Variants in PRKCB observed in about 807,000 individuals in gnomAD.
PRKCB encodes the protein protein kinase C beta type.
In PRKCB, 13 loss-of-function variants were observed where a neutral mutation model predicts 81.5. The observed-to-expected ratio is 0.16, with a 90% CI of 0.10 to 0.25. The LOEUF (loss-of-function observed/expected upper bound fraction) is 0.25, where lower values mean the gene tolerates loss of function less well. PRKCB is among the 10% of genes least tolerant of loss of function. PRKCB has a pLI of 1.00. For synonymous variants in PRKCB, 335 were observed against 321.4 expected (o/e 1.04, Z -0.45); for missense variants, 509 against 875.7 (o/e 0.58, Z 5.29).
chr16:24,146,447 A>G (rs1966991311), intron 9 of PRKCB, among the ~76,000 whole-genome samples: 1 of 152,218 alleles, frequency 6.6e-6, no homozygotes, highest in Non-Finnish European at 1.5e-5. Context: ...TCCATTTTAT[A>G]AGATGAGGAG....
intron 5 of PRKCB, among the ~76,000 whole-genome samples, chr16:24,072,027 C>A (rs534555725): frequency 6.7e-6 from 1 of 150,318 alleles, no homozygotes; most frequent in South Asian, 2.1e-4. Context: ...TAGAGTTTAA[C>A]CCCCACCCCA....
intron 16 of PRKCB, among the ~76,000 whole-genome samples, chr16:24,193,486 A>C (rs1967830526): frequency 6.7e-6 from 1 of 149,900 alleles, no homozygotes; most frequent in Non-Finnish European, 1.5e-5. Context: ...TAAATAAATA[A>C]ATAAATAAAT....
chr16:24,169,225 T>C (rs998198585), intron 10 of PRKCB, among the ~76,000 whole-genome samples: 10 of 152,142 alleles, frequency 6.6e-5, no homozygotes, highest in African/African-American at 2.2e-4. Flanking sequence ...ACCCAGTAAC[T>C]CCTGCTGCCT....
intron 3 of PRKCB, among the ~76,000 whole-genome samples, chr16:24,029,503 C>T (rs12447105): frequency 0.097 from 14,824 of 152,142 alleles, 945 homozygotes; most frequent in African/African-American, 0.17. Flanking sequence ...GAGGCCTCCT[C>T]GTCCTCAAGA....
At chr16:24,193,469 AAAT>A (rs1439895880) in intron 16 of PRKCB, among the ~76,000 whole-genome samples, 17 of 49,412 alleles carry the variant, frequency 3.4e-4, no homozygotes, top group African/African-American at 6.1e-4. Flanking sequence ...ATAAATAAAT[AAAT>A]AAATAAATAA....
At chr16:23,980,166 T>C (rs546625325) in intron 2 of PRKCB, among the ~76,000 whole-genome samples, 12 of 152,378 alleles carry the variant, frequency 7.9e-5, no homozygotes, top group Non-Finnish European at 1.3e-4. Flanking sequence ...ATGAAAGCCC[T>C]TTGCAAACTC....
chr16:24,174,630 C>G (rs900970774), intron 12 of PRKCB, 50 bp downstream of exon 12: 1 of 1,465,048 alleles, frequency 6.8e-7, no homozygotes, highest in African/African-American at 1.4e-5. Context: ...CTCAGCTCCT[C>G]CCTGCCCTGC....
chr16:23,899,808 AATTTATTT>A (rs200198656), intron 2 of PRKCB, among the ~76,000 whole-genome samples: 7,894 of 38,256 alleles, frequency 0.21, 2,392 homozygotes, highest in Non-Finnish European at 0.25. Flanking sequence ...CAGCAAATAA[AATTTATTT>A]ATTTATTTAT....
chr16:24,186,339 T>C (rs1967704104), intron 15 of PRKCB, among the ~76,000 whole-genome samples: 1 of 152,198 alleles, frequency 6.6e-6, no homozygotes, highest in Non-Finnish European at 1.5e-5. Flanking sequence ...AGAGATTAAG[T>C]CTGGGTATGA....
rs1963438403 is a variant in PRKCB, at chr16:23,899,664, G to GTC, written c.205+62259_205+62260insCT. 2.3e-4 allele frequency among the ~76,000 whole-genome samples: 7 copies of GTC among 30,132 alleles called. 2 individuals carry two copies. The highest frequency in any genetic ancestry group is 3.1e-4 in the African/African-American group (4 of 12,880). 19.8% of individuals were successfully genotyped at this position (30,132 alleles called of 152,430 possible). On this transcript the variant is annotated intron_variant, in intron 2 of 16. Transcript: ENST00000643927. ...TCTCTCTGTGTGTGTGTGTGTGTGT[G>GTC]TGTGGTTTGTTGTCACCTGGGCTGG...
Position 24,013,310 on chromosome 16 carries a change from A to T in PRKCB, c.289-18826A>T, listed in dbSNP as rs560731047. Among the ~76,000 whole-genome samples the T allele has an allele frequency of 2.6e-5, 4 of 152,370 alleles. No homozygotes were observed. The South Asian group carries it at 8.3e-4, about 32-fold the overall frequency. On this transcript the variant is annotated intron_variant, in intron 3 of 16. Transcript: ENST00000643927. ...AATAATGGTGCAATAGTAATTAGTT[A>T]AAAGTAATTAAAAATAATGGCAAAA... is the stretch of plus-strand genomic sequence containing the variant.
chr16:23,905,562 A>C (rs1406811081), intron 2 of PRKCB, among the ~76,000 whole-genome samples: 1 of 152,244 alleles, frequency 6.6e-6, no homozygotes, highest in African/African-American at 2.4e-5. Context: ...TTTATGTGCT[A>C]TTCAGGTTTA....
chr16:24,062,623 G>A (rs777024143), intron 5 of PRKCB, among the ~76,000 whole-genome samples: 1 of 152,082 alleles, frequency 6.6e-6, no homozygotes, highest in African/African-American at 2.4e-5. Context: ...CTGAAGTCAC[G>A]CAGCAAGCCC....
At chr16:23,869,795 G>A (rs1201414058) in intron 2 of PRKCB, among the ~76,000 whole-genome samples, 1 of 152,158 alleles carries the variant, frequency 6.6e-6, no homozygotes, top group Admixed American at 6.5e-5. Flanking sequence ...GCTGAGGTGG[G>A]CGGATCACCT....
intron 2 of PRKCB, among the ~76,000 whole-genome samples, chr16:23,929,304 A>T (rs1480404241): frequency 6.6e-6 from 1 of 152,130 alleles, no homozygotes; most frequent in African/African-American, 2.4e-5. Flanking sequence ...TTATTGAACA[A>T]TTAGAAACTA....
rs141776546 is a variant in PRKCB at position 24,040,937 on chromosome 16, G to T, written c.529+5390G>T. Among the ~76,000 whole-genome samples, 3 of 152,244 alleles carry T rather than the reference G, an allele frequency of 2.0e-5. No homozygotes were observed. In the East Asian group the frequency reaches 5.8e-4, roughly 29 times the overall value. On this transcript the variant is annotated intron_variant, in intron 5 of 16. Coordinates refer to ENST00000643927, the MANE Select transcript of PRKCB (RefSeq NM_002738.7). ...GGGATTTGTAGTATCCCAGGAAACC[G>T]TATTGACATCATGATGCCCATAGGT...
Position 24,178,802 on chromosome 16 carries a change from G to C in PRKCB, c.1395-1988G>C, listed in dbSNP as rs974505677. Among the ~76,000 whole-genome samples, 3 of 152,206 alleles carry C rather than the reference G, an allele frequency of 2.0e-5. No individual in the cohort carries two copies. The East Asian group carries it at 5.8e-4, about 29-fold the overall frequency. ...GGAGACCCCACAGACACAGATAGGA[G>C]ATGCCAGGATATAGTTTTCAGATTG... On this transcript the variant is annotated intron_variant, in intron 12 of 16. Coordinates refer to ENST00000643927, the MANE Select transcript of PRKCB (RefSeq NM_002738.7).
intron 2 of PRKCB, among the ~76,000 whole-genome samples, chr16:23,940,089 A>G (rs1317214757): frequency 6.6e-6 from 1 of 152,246 alleles, no homozygotes. Flanking sequence ...AAATAAACAC[A>G]TGAAAAGATG....
intron 16 of PRKCB, among the ~76,000 whole-genome samples, chr16:24,209,544 A>G (rs966831469): frequency 6.6e-6 from 1 of 152,142 alleles, no homozygotes; most frequent in Non-Finnish European, 1.5e-5. Context: ...TAAATAGCTC[A>G]GGCCAAAAAT....
Sources: gnomAD v4.1 joint callset for allele counts (sites outside exome capture counted in the v4.1 genomes callset) on GRCh38, gnomAD v4.1.1 for gene constraint, MANE v1.5 for transcripts, NCBI Gene and HGNC (gene_info 2026-07-23, HGNC 2026-07-21) for gene names.